DENND5B: variants seen among roughly 807,000 people sequenced by gnomAD.
The protein encoded by DENND5B is DENN domain containing 5B.
DENND5B carries 34 observed loss-of-function variants against 140.6 expected under a neutral mutation model. The ratio of observed to expected loss-of-function variants is 0.24; its 90% CI spans 0.18 to 0.32. The LOEUF (loss-of-function observed/expected upper bound fraction) is 0.32, where lower values mean the gene tolerates loss of function less well. Ranked by LOEUF, DENND5B falls within the 10% of genes least tolerant of loss-of-function variation. The pLI, the probability that DENND5B is intolerant of heterozygous loss-of-function variation, is 1.00. For missense variants in DENND5B, 1,142 were observed against 1,560.2 expected (o/e 0.73, Z 4.52); for synonymous variants, 551 against 562.1 (o/e 0.98, Z 0.28).
At chr12:31,556,649 T>C (rs748888614) in intron 1 of DENND5B, among the ~76,000 whole-genome samples, 2 of 152,152 alleles carry the variant, frequency 1.3e-5, no homozygotes, top group African/African-American at 4.8e-5. Flanking sequence ...AGACCCTATC[T>C]CTATTCTACT....
chr12:31,446,917 A>C (rs1324739933), intron 6 of DENND5B, among the ~76,000 whole-genome samples: 1 of 151,596 alleles, frequency 6.6e-6, no homozygotes. Flanking sequence ...GAAAAAGAAA[A>C]AGAAACATAA....
At chr12:31,458,169 T>G (rs1944868047) in intron 4 of DENND5B, among the ~76,000 whole-genome samples, 1 of 152,206 alleles carries the variant, frequency 6.6e-6, no homozygotes, top group African/African-American at 2.4e-5. Flanking sequence ...ATCCTTAAAT[T>G]TGTTTATCTT....
At chr12:31,430,497 CAAAAAAAAAAAAAAAAA>C (rs71062432) in intron 8 of DENND5B, among the ~76,000 whole-genome samples, 1 of 56,070 alleles carries the variant, frequency 1.8e-5, no homozygotes, top group Admixed American at 2.7e-4. Context: ...ACTAAAAATA[CAAAAAAAAAAAAAAAAA>C]AAAAAAAAAA....
chr12:31,569,639 C>T (rs971348573), intron 1 of DENND5B, among the ~76,000 whole-genome samples: 2 of 151,738 alleles, frequency 1.3e-5, no homozygotes, highest in South Asian at 4.2e-4. Flanking sequence ...TGAACCCTGT[C>T]TCTATTAAAA....
At chr12:31,490,973 G>T (rs969255019) in intron 2 of DENND5B, among the ~76,000 whole-genome samples, 9 of 152,050 alleles carry the variant, frequency 5.9e-5, no homozygotes, top group African/African-American at 1.9e-4. Context: ...ATAAAAAATA[G>T]AATCCTTATA....
intron 13 of DENND5B, among the ~76,000 whole-genome samples, chr12:31,410,874 T>A (rs2163730): frequency 0.38 from 58,234 of 151,960 alleles, 12,016 homozygotes; most frequent in East Asian, 0.57. Context: ...GTTAAGCTAA[T>A]AAAAAGGATG....
In DENND5B at chr12:31,494,198, AT is replaced by A. The variant is rs1946668028; in HGVS notation, c.237+1611del. Among the ~76,000 whole-genome samples, 8 of 75,936 alleles carry A rather than the reference AT, an allele frequency of 1.1e-4. No homozygotes were observed. In the Admixed American group the frequency reaches 1.2e-3, roughly 11 times the overall value. The allele number at this position is 75,936 out of a possible 152,430, so 49.8% of individuals were successfully genotyped here. ...TATCTATCTATCCATCCATCCATCC[AT>A]CCACCTACCTACCTACCTACCTCTA... On this transcript the variant is annotated intron_variant, in intron 2 of 20. Transcript: ENST00000389082.
intron 1 of DENND5B, among the ~76,000 whole-genome samples, chr12:31,528,960 A>G (rs1948182203): frequency 6.6e-6 from 1 of 151,976 alleles, no homozygotes; most frequent in Non-Finnish European, 1.5e-5. Context: ...CAGGAGTCCA[A>G]GAGCAGCCTG....
intron 11 of DENND5B, among the ~76,000 whole-genome samples, chr12:31,418,506 C>T (rs1381092638): frequency 6.6e-6 from 1 of 151,398 alleles, no homozygotes; most frequent in Non-Finnish European, 1.5e-5. Flanking sequence ...GTTGCCCAGG[C>T]TGGACTCAAA....
At chr12:31,508,332 G>T (rs1429278973) in intron 1 of DENND5B, among the ~76,000 whole-genome samples, 3 of 152,138 alleles carry the variant, frequency 2.0e-5, no homozygotes, top group African/African-American at 7.2e-5. Flanking sequence ...AAGGAACTCA[G>T]TTAAGCTTAC....
chr12:31,442,570 G>T (rs201348259), intron 7 of DENND5B, among the ~76,000 whole-genome samples: 1 of 146,700 alleles, frequency 6.8e-6, no homozygotes, highest in Non-Finnish European at 1.5e-5. Flanking sequence ...TCTAGCCTTT[G>T]TTTTTTTCTT....
At chr12:31,452,555 G>C in intron 4 of DENND5B, 79 bp from the exon 5 acceptor site, 2 of 1,422,864 alleles carry the variant, frequency 1.4e-6, no homozygotes, top group Non-Finnish European at 1.9e-6. Flanking sequence ...GCCAGCCACA[G>C]TGGCTCACAC....
intron 1 of DENND5B, among the ~76,000 whole-genome samples, chr12:31,503,918 C>A (rs1436543413): frequency 1.3e-5 from 2 of 152,072 alleles, no homozygotes; most frequent in African/African-American, 4.8e-5. Flanking sequence ...TAGTTTTAAA[C>A]AAAATCATTA....
At chr12:31,487,757 A>T (rs1300390565) in intron 2 of DENND5B, among the ~76,000 whole-genome samples, 1 of 152,202 alleles carries the variant, frequency 6.6e-6, no homozygotes, top group East Asian at 1.9e-4. Context: ...ACTTCATTTG[A>T]CACATTTATT....
chr12:31,549,593 T>C (rs1002662664), intron 1 of DENND5B, among the ~76,000 whole-genome samples: 4 of 152,122 alleles, frequency 2.6e-5, no homozygotes, highest in African/African-American at 9.7e-5. Context: ...GCAGGTTTGT[T>C]ACACAGGTAA....
At chr12:31,524,902 T>C (rs1175053570) in intron 1 of DENND5B, among the ~76,000 whole-genome samples, 1 of 152,152 alleles carries the variant, frequency 6.6e-6, no homozygotes, top group Non-Finnish European at 1.5e-5. Flanking sequence ...TCTTGCTCCC[T>C]TCCATTCCCC....
At chr12:31,506,987 T>C (rs1423792993) in intron 1 of DENND5B, among the ~76,000 whole-genome samples, 2 of 152,156 alleles carry the variant, frequency 1.3e-5, no homozygotes, top group African/African-American at 2.4e-5. Context: ...AATCTCCAAC[T>C]CCTTTCCCTC....
intron 1 of DENND5B, among the ~76,000 whole-genome samples, chr12:31,565,865 G>C (rs990307737): frequency 4.6e-5 from 7 of 152,264 alleles, no homozygotes; most frequent in Admixed American, 3.3e-4. Flanking sequence ...ATAGTGGCCT[G>C]GCACAGAGGT....
chr12:31,511,575 T>A (rs1232982983), intron 1 of DENND5B, among the ~76,000 whole-genome samples: 1 of 151,506 alleles, frequency 6.6e-6, no homozygotes, highest in Non-Finnish European at 1.5e-5. Flanking sequence ...ACTGTGAAGT[T>A]CTTGGAACTT....
Sources: gnomAD v4.1 joint callset for allele counts (sites outside exome capture counted in the v4.1 genomes callset) on GRCh38, gnomAD v4.1.1 for gene constraint, MANE v1.5 for transcripts, NCBI Gene and HGNC (gene_info 2026-07-23, HGNC 2026-07-21) for gene names.